The following PTPA variants were observed in gnomAD, a reference collection of about 807,000 sequenced individuals.
PTPA encodes the protein serine/threonine-protein phosphatase 2A activator.
In PTPA, 13 loss-of-function variants were observed where a neutral mutation model predicts 43.6. The observed-to-expected ratio is 0.30, with a 90% CI of 0.19 to 0.47. PTPA has a LOEUF of 0.47. Ranked by LOEUF, PTPA falls within the 20% of genes least tolerant of loss-of-function variation. The pLI, the probability that PTPA is intolerant of heterozygous loss-of-function variation, is 0.99. For synonymous variants in PTPA, 172 were observed against 158.2 expected, an observed-to-expected ratio of 1.09 and a Z score of -0.66; for missense variants, 329 against 411.9, an observed-to-expected ratio of 0.80 and a Z score of 1.74.
At chr9:129,115,571 G>A (rs1452364326) in intron 1 of PTPA, among the ~76,000 whole-genome samples, 1 of 152,094 alleles carries the variant, frequency 6.6e-6, no homozygotes, top group Non-Finnish European at 1.5e-5. Context: ...GGAAGGCAGG[G>A]GGACAAATTT....
At chr9:129,123,535 A>G (rs1849392764) in intron 3 of PTPA, among the ~76,000 whole-genome samples, 1 of 152,112 alleles carries the variant, frequency 6.6e-6, no homozygotes, top group South Asian at 2.1e-4. Context: ...AGAGCAGAAA[A>G]TAAGATCGCC....
At chr9:129,122,925 T>C in intron 2 of PTPA, 127 bp from the exon 3 acceptor site, 3 of 684,038 alleles carry the variant, frequency 4.4e-6, no homozygotes, top group South Asian at 1.7e-5. Flanking sequence ...TGCTATTGGG[T>C]TGGGAGTCAG....
At position 129,128,889 on chromosome 9, in the gene PTPA, C is replaced by T. The variant is rs1403043968; in HGVS notation, c.217-96C>T. On this transcript the variant is annotated intron_variant, in intron 3 of 9. Coordinates refer to ENST00000393370, the MANE Select transcript of PTPA (RefSeq NM_178000.3). Reference sequence around the variant, plus strand: ...GGGAGAGTTCCCAGTAGGGGCCATGCCAAGGGGTCATTGTCTGGCAGCAGT... The same window carrying T: ...GGGAGAGTTCCCAGTAGGGGCCATGTCAAGGGGTCATTGTCTGGCAGCAGT... 2.0e-6 allele frequency: 3 copies of T among 1,499,182 alleles called. No individual in the cohort carries two copies. In the East Asian group the frequency reaches 6.9e-5, roughly 34 times the overall value. 92.9% of individuals were successfully genotyped at this position (1,499,182 alleles called of 1,614,324 possible).
chr9:129,111,137 CTTGGG>C, upstream of PTPA: 1 of 1,303,272 alleles, frequency 7.7e-7, no homozygotes, highest in Non-Finnish European at 1.0e-6. Flanking sequence ...TCTAATATTC[CTTGGG>C]TTAGGGTCAG....
At chr9:129,133,432 CTG>C (rs1168669667) in intron 5 of PTPA, among the ~76,000 whole-genome samples, 1 of 152,194 alleles carries the variant, frequency 6.6e-6, no homozygotes, top group Non-Finnish European at 1.5e-5. Context: ...TAATTGGAAA[CTG>C]TGGCAGGGGA....
rs1269422210 is a variant in PTPA at position 129,111,430 on chromosome 9, G to T, written c.-171G>T. 2 of 1,247,842 alleles carry T rather than the reference G, an allele frequency of 1.6e-6. No individual in the cohort carries two copies. Among genetic ancestry groups the T allele is most frequent in the Non-Finnish European group, 2.0e-6 (2 of 988,686 alleles). The allele number at this position is 1,247,842 out of a possible 1,614,324, so 77.3% of individuals were successfully genotyped here. ...AGCGCCCCGCACCGACATGGCGGCC[G>T]TCTTCGCTGTGGTGACTTTAACTCT... On this transcript the variant is annotated 5_prime_UTR_variant, in exon 1 of 10. Transcript: ENST00000393370.
At chr9:129,121,297 G>A (rs1480966187) in intron 2 of PTPA, among the ~76,000 whole-genome samples, 1 of 152,194 alleles carries the variant, frequency 6.6e-6, no homozygotes, top group Non-Finnish European at 1.5e-5. Flanking sequence ...AGGGGTCCTT[G>A]CATGCTGGGC....
At chr9:129,117,339 G>A (rs1364580495) in intron 1 of PTPA, among the ~76,000 whole-genome samples, 1 of 152,190 alleles carries the variant, frequency 6.6e-6, no homozygotes, top group African/African-American at 2.4e-5. Context: ...GAGGCACTGT[G>A]CCTGGCCTAG....
At chr9:129,120,721 A>G in intron 2 of PTPA, 111 bp downstream of exon 2, 1 of 890,368 alleles carries the variant, frequency 1.1e-6, no homozygotes, top group Non-Finnish European at 1.8e-6. Flanking sequence ...CTGACTTTTC[A>G]GAAGCTAGGG....
At chr9:129,142,576 C>G (rs1422281853) in intron 9 of PTPA, 24 bp downstream of exon 9, 1 of 1,613,464 alleles carries the variant, frequency 6.2e-7, no homozygotes, top group Non-Finnish European at 8.5e-7. Context: ...GGCCAGTGTG[C>G]CCGTCCCTGC....
chr9:129,137,509 T>TA, intron 7 of PTPA, 83 bp from the exon 8 acceptor site: 1 of 1,121,096 alleles, frequency 8.9e-7, no homozygotes, highest in Non-Finnish European at 1.3e-6. Flanking sequence ...CTGAGGCCCC[T>TA]GGGGGGGTGT....
At chr9:129,118,128 A>G (rs1171607471) in intron 1 of PTPA, among the ~76,000 whole-genome samples, 1 of 148,320 alleles carries the variant, frequency 6.7e-6, no homozygotes, top group Admixed American at 6.9e-5. Flanking sequence ...ATCTCAGCTC[A>G]CTGTAACCTC....
intron 9 of PTPA, among the ~76,000 whole-genome samples, chr9:129,145,997 G>T (rs1332675212): frequency 6.6e-6 from 1 of 151,988 alleles, no homozygotes; most frequent in African/African-American, 2.4e-5. Context: ...GGGTCCTGTG[G>T]GCAGAATGGG....
chr9:129,136,696 C>T, intron 7 of PTPA, 101 bp downstream of exon 7: 1 of 1,358,758 alleles, frequency 7.4e-7, no homozygotes, highest in South Asian at 1.6e-5. Flanking sequence ...TTCTTCCTGC[C>T]CAGGGCAGAC....
chr9:129,147,344 G>T, intron 9 of PTPA, 43 bp from the exon 10 acceptor site: 1 of 1,591,702 alleles, frequency 6.3e-7, no homozygotes, highest in South Asian at 1.1e-5. Flanking sequence ...GCAGGGGTGT[G>T]GTGTGGCCCT....
chr9:129,119,893 C>G lies in PTPA; in HGVS notation c.32-620C>G, dbSNP rs546222450. ...GCAGGAGGCTGTGGGTTTGGCTTAA[C>G]AAGCCCTTACTCTGTCCTGGAAGTA... On this transcript the variant is annotated intron_variant, in intron 1 of 9. Coordinates refer to ENST00000393370, the MANE Select transcript of PTPA (RefSeq NM_178000.3). Among the ~76,000 whole-genome samples the G allele has an allele frequency of 2.6e-5, 4 of 152,270 alleles. No individual in the cohort carries two copies. In the East Asian group the frequency reaches 7.7e-4, roughly 29 times the overall value.
chr9:129,145,682 C>T lies in PTPA; in HGVS notation c.895-1705C>T, dbSNP rs1477615673. 5.3e-5 allele frequency among the ~76,000 whole-genome samples: 8 copies of T among 151,968 alleles called. No individual in the cohort carries two copies. In the South Asian group the frequency reaches 6.2e-4, roughly 12 times the overall value. On this transcript the variant is annotated intron_variant, in intron 9 of 9. Transcript: ENST00000393370. ...TCTGCTCTGTCCCAGCCTTTCTGAC[C>T]GAAGAACCAAGTGCTCTCAGGGGCC... is the stretch of plus-strand genomic sequence containing the variant.
chr9:129,112,629 T>C (rs1848609089), intron 1 of PTPA, among the ~76,000 whole-genome samples: 1 of 152,162 alleles, frequency 6.6e-6, no homozygotes, highest in Non-Finnish European at 1.5e-5. Flanking sequence ...ACAAAACCTC[T>C]GGGTGTGTGC....
At chr9:129,127,906 G>GCACGATGAAAT in intron 3 of PTPA, 1 of 1,128,842 alleles carries the variant, frequency 8.9e-7, no homozygotes, top group Non-Finnish European at 1.2e-6. Context: ...TAATGCAGTG[G>GCACGATGAAAT]CACGATGAAA....
Sources: gnomAD v4.1 joint callset for allele counts (sites outside exome capture counted in the v4.1 genomes callset) on GRCh38, gnomAD v4.1.1 for gene constraint, MANE v1.5 for transcripts, NCBI Gene and HGNC (gene_info 2026-07-23, HGNC 2026-07-21) for gene names.